Variants in KAZN observed in about 807,000 individuals in gnomAD.
KAZN encodes the protein kazrin.
KAZN carries 40 observed loss-of-function variants against 87.4 expected under a neutral mutation model. The observed-to-expected ratio is 0.46, with a 90% CI of 0.36 to 0.60. The LOEUF is 0.60. Among genes scored for constraint, KAZN ranks in the 20% least tolerant of loss-of-function variants. The pLI is 0.00. For missense variants in KAZN, 898 were observed against 1,073.9 expected, an observed-to-expected ratio of 0.84 and a Z score of 2.29; for synonymous variants, 466 against 458.3, an observed-to-expected ratio of 1.02 and a Z score of -0.22.
intron 1 of KAZN, among the ~76,000 whole-genome samples, chr1:14,797,529 G>A (rs1361951254): frequency 2.0e-5 from 3 of 152,192 alleles, no homozygotes; most frequent in African/African-American, 4.8e-5. Context: ...GCCAAGTGAA[G>A]AGTTAAAGAG....
At chr1:14,659,871 A>G (rs4661511) in intron 1 of KAZN, among the ~76,000 whole-genome samples, 19,082 of 151,506 alleles carry the variant, frequency 0.13, 1,515 homozygotes, top group South Asian at 0.2. Flanking sequence ...TCAAAACAAT[A>G]CACATTCTTT....
At chr1:14,049,122 A>G in intron 1 of KAZN, among the ~76,000 whole-genome samples, 1 of 152,184 alleles carries the variant, frequency 6.6e-6, no homozygotes, top group Non-Finnish European at 1.5e-5. Flanking sequence ...ACAACATGGA[A>G]TACTATGCAG....
At chr1:14,061,403 A>AG (rs1192173655) in intron 1 of KAZN, among the ~76,000 whole-genome samples, 1 of 152,204 alleles carries the variant, frequency 6.6e-6, no homozygotes, top group African/African-American at 2.4e-5. Flanking sequence ...AGACACAAGA[A>AG]GGGGTAGAGA....
intron 2 of KAZN, among the ~76,000 whole-genome samples, chr1:14,457,005 G>A (rs574890069): frequency 5.3e-5 from 8 of 152,288 alleles, no homozygotes; most frequent in East Asian, 1.9e-4. Context: ...GCTTGAACCC[G>A]GGAGGCGGAG....
At chr1:13,893,455 A>C in exon 1 of KAZN, 2 of 756,154 alleles carry the variant, frequency 2.6e-6, no homozygotes, top group East Asian at 5.8e-5. Context: ...ATAGGGTTTC[A>C]TTTTTTACTT....
chr1:14,944,143 G>T (rs946429907), intron 1 of KAZN, among the ~76,000 whole-genome samples: 3 of 151,770 alleles, frequency 2.0e-5, no homozygotes, highest in Admixed American at 6.6e-5. Context: ...GTTTTCTTGT[G>T]GGGGAAGAAA....
chr1:14,371,330 T>C (rs1406753718), intron 2 of KAZN, among the ~76,000 whole-genome samples: 3 of 152,194 alleles, frequency 2.0e-5, no homozygotes, highest in African/African-American at 7.2e-5. Flanking sequence ...CACTGTGGTA[T>C]TGAGATATTA....
intron 2 of KAZN, among the ~76,000 whole-genome samples, chr1:14,241,612 C>G (rs1648942014): frequency 6.6e-6 from 1 of 152,168 alleles, no homozygotes; most frequent in South Asian, 2.1e-4. Context: ...TGTTCCCTAC[C>G]CATGTTTTGG....
At chr1:14,868,749 TG>T (rs1651811014) in intron 1 of KAZN, among the ~76,000 whole-genome samples, 1 of 151,296 alleles carries the variant, frequency 6.6e-6, no homozygotes, top group South Asian at 2.1e-4. Context: ...GAGGCTGGGG[TG>T]GGGGGATCTC....
At chr1:14,995,051 T>C (rs1667730434) in intron 2 of KAZN, among the ~76,000 whole-genome samples, 1 of 152,194 alleles carries the variant, frequency 6.6e-6, no homozygotes, top group South Asian at 2.1e-4. Flanking sequence ...ATGGTCCTTG[T>C]GCATTTCACG....
rs111546286 is a variant in KAZN, at chr1:14,350,133, C to CAAAA, written c.249+169557_249+169560dup. Among the ~76,000 whole-genome samples the CAAAA allele has an allele frequency of 2.8e-3, 282 of 100,476 alleles. 2 individuals are homozygous for CAAAA. The highest frequency in any genetic ancestry group is 9.9e-3 in the African/African-American group (266 of 26,868). The allele number at this position is 100,476 out of a possible 152,430, so 65.9% of individuals were successfully genotyped here. A position where few individuals can be genotyped will look rare whatever the true frequency, so the allele number is the denominator to read the frequency against. ...TGGGCAACAGAGCAAGACTCCATCT[C>CAAAA]AAAAAAAAAAAAAAAAAAAGTGACA... On this transcript the variant is annotated intron_variant, in intron 2 of 16. Transcript: ENST00000636203.
At chr1:14,818,787 G>A (rs933723541) in intron 1 of KAZN, among the ~76,000 whole-genome samples, 1 of 152,192 alleles carries the variant, frequency 6.6e-6, no homozygotes, top group African/African-American at 2.4e-5. Flanking sequence ...AGGCATGGTG[G>A]CTCACACTTG....
intron 2 of KAZN, among the ~76,000 whole-genome samples, chr1:14,552,423 G>T (rs774351508): frequency 1.3e-5 from 2 of 152,208 alleles, no homozygotes; most frequent in Non-Finnish European, 2.9e-5. Context: ...TCCGTACCAC[G>T]GCTCCCCTTC....
rs16850198 is a variant in KAZN, at chr1:14,396,926, T to C, written c.250-202057T>C. ...TTTTTTTTTTTTACTTAGAACAAGATTGGCAACTGAAAAATAAAGTGAGAT... is the reference window on the plus strand; with the variant it reads ...TTTTTTTTTTTTACTTAGAACAAGACTGGCAACTGAAAAATAAAGTGAGAT... On this transcript the variant is annotated intron_variant, in intron 2 of 16. Transcript: ENST00000636203. 4.2e-3 allele frequency among the ~76,000 whole-genome samples: 645 copies of C among 151,926 alleles called. 8 individuals carry two copies. Among genetic ancestry groups the C allele is most frequent in the East Asian group, 0.034 (174 of 5,144 alleles).
At chr1:14,445,913 G>A (rs553547990) in intron 2 of KAZN, among the ~76,000 whole-genome samples, 3 of 152,102 alleles carry the variant, frequency 2.0e-5, no homozygotes, top group South Asian at 4.2e-4. Context: ...TGAAGCGGTT[G>A]AGGCTGGGCA....
At chr1:14,502,515 T>G (rs984947834) in intron 2 of KAZN, among the ~76,000 whole-genome samples, 3 of 152,184 alleles carry the variant, frequency 2.0e-5, no homozygotes, top group African/African-American at 7.2e-5. Flanking sequence ...AGAGAAACCA[T>G]GAGCTCTCTT....
At chr1:14,329,267 G>C (rs997624081) in intron 2 of KAZN, among the ~76,000 whole-genome samples, 6 of 152,032 alleles carry the variant, frequency 3.9e-5, no homozygotes, top group African/African-American at 1.4e-4. Flanking sequence ...GGTCATCCAG[G>C]AAAATGTTCT....
At chr1:14,510,021 A>G (rs1430023686) in intron 2 of KAZN, among the ~76,000 whole-genome samples, 2 of 152,194 alleles carry the variant, frequency 1.3e-5, no homozygotes, top group African/African-American at 4.8e-5. Flanking sequence ...CAGGGACACA[A>G]GTGTGAGATG....
chr1:14,430,436 G>A (rs757255998), intron 2 of KAZN, among the ~76,000 whole-genome samples: 13 of 152,098 alleles, frequency 8.5e-5, no homozygotes, highest in African/African-American at 1.4e-4. Flanking sequence ...TTAGCCAAGG[G>A]TCTGGCTTTC....
Sources: gnomAD v4.1 joint callset for allele counts (sites outside exome capture counted in the v4.1 genomes callset) on GRCh38, gnomAD v4.1.1 for gene constraint, MANE v1.5 for transcripts, NCBI Gene and HGNC (gene_info 2026-07-23, HGNC 2026-07-21) for gene names.